Variants in TMEM161B observed in about 807,000 individuals in gnomAD.
TMEM161B encodes the protein transmembrane protein 161B.
Under a neutral mutation model 61.8 loss-of-function variants are expected in TMEM161B, and 34 were observed. The ratio of observed to expected loss-of-function variants is 0.55; its 90% CI spans 0.42 to 0.73. The LOEUF is 0.73. TMEM161B is among the 30% of genes least tolerant of loss of function. TMEM161B has a pLI of 0.00. For synonymous variants in TMEM161B, 167 were observed against 192.8 expected (o/e 0.87, Z 1.11); for missense variants, 456 against 558.5 (o/e 0.82, Z 1.85).
chr5:88,218,187 G>T (rs371708), intron 5 of TMEM161B, among the ~76,000 whole-genome samples: 116,171 of 152,024 alleles, frequency 0.76, 44,528 homozygotes, highest in South Asian at 0.85. Context: ...GAAACCAGTT[G>T]AGGAGATCGA....
At chr5:88,240,030 G>C (rs990815688) in intron 2 of TMEM161B, among the ~76,000 whole-genome samples, 2 of 151,804 alleles carry the variant, frequency 1.3e-5, no homozygotes, top group African/African-American at 4.8e-5. Flanking sequence ...TCTGTGTGCA[G>C]ACTTTCCTTG....
downstream of TMEM161B, among the ~76,000 whole-genome samples, chr5:88,192,714 C>T (rs1286827460): frequency 1.3e-5 from 2 of 152,176 alleles, no homozygotes; most frequent in Non-Finnish European, 2.9e-5. Context: ...ACAGGATGAT[C>T]TGCATTTAAA....
intron 5 of TMEM161B, among the ~76,000 whole-genome samples, chr5:88,214,816 A>C (rs1305304865): frequency 6.6e-6 from 1 of 152,202 alleles, no homozygotes; most frequent in Non-Finnish European, 1.5e-5. Flanking sequence ...GCTGAGAATT[A>C]GTTTGGGTTT....
At position 88,195,622 on chromosome 5, in the gene TMEM161B, T is replaced by G; in HGVS notation, c.*589A>C. 3.0e-6 allele frequency: 3 copies of G among 984,934 alleles called. No individual in the cohort carries two copies. The highest frequency in any genetic ancestry group is 3.6e-6 in the Non-Finnish European group (3 of 829,158). 61.0% of individuals were successfully genotyped at this position (984,934 alleles called of 1,614,324 possible). A position where few individuals can be genotyped will look rare whatever the true frequency, so the allele number is the denominator to read the frequency against. On this transcript the variant is annotated 3_prime_UTR_variant, in exon 12 of 12. Coordinates refer to ENST00000296595, the MANE Select transcript of TMEM161B (RefSeq NM_153354.5). ...TACTCTTGCTATTCTCAAGCAGCAG[T>G]AGTTATATATTTTAACCATATTCAT... is the stretch of plus-strand genomic sequence containing the variant.
intron 2 of TMEM161B, among the ~76,000 whole-genome samples, chr5:88,230,304 T>C (rs1399422269): frequency 6.6e-6 from 1 of 152,196 alleles, no homozygotes; most frequent in Non-Finnish European, 1.5e-5. Flanking sequence ...GAGATTGTGG[T>C]AATTTTTAAA....
chr5:88,240,741 A>T (rs1347193165), intron 2 of TMEM161B, 72 bp downstream of exon 2: 2 of 1,146,198 alleles, frequency 1.7e-6, no homozygotes, highest in East Asian at 2.4e-5. Context: ...AGAAACAGTA[A>T]CTAGGAATTT....
chr5:88,263,812 T>C (rs1313291151), intron 1 of TMEM161B, among the ~76,000 whole-genome samples: 1 of 152,154 alleles, frequency 6.6e-6, no homozygotes, highest in African/African-American at 2.4e-5. Flanking sequence ...AAAACCAACC[T>C]TGAACCAACC....
At position 88,205,798 on chromosome 5, in the gene TMEM161B, T is replaced by C. The variant is rs1745349733; in HGVS notation, c.800+16A>G. On this transcript the variant is annotated intron_variant, in intron 8 of 11. Coordinates refer to ENST00000296595, the MANE Select transcript of TMEM161B (RefSeq NM_153354.5). Reference sequence around the variant, plus strand: ...ATATATTTATCTGCATGTGCTTATGTACATTTTCCGCTTACTGTGTAATTT... The same window carrying C: ...ATATATTTATCTGCATGTGCTTATGCACATTTTCCGCTTACTGTGTAATTT... 3.1e-6 allele frequency: 5 copies of C among 1,611,378 alleles called. No homozygotes were observed. In the East Asian group the frequency reaches 6.7e-5, roughly 22 times the overall value.
At chr5:88,244,584 C>CTTTTT (rs369319062) in intron 1 of TMEM161B, among the ~76,000 whole-genome samples, 4 of 116,022 alleles carry the variant, frequency 3.4e-5, no homozygotes, top group African/African-American at 6.3e-5. Flanking sequence ...TCCAGCTTTG[C>CTTTTT]TTTTTTTTTT....
chr5:88,255,735 T>C (rs766047894), intron 1 of TMEM161B, among the ~76,000 whole-genome samples: 21 of 152,324 alleles, frequency 1.4e-4, no homozygotes, highest in Admixed American at 3.3e-4. Context: ...AGCATAATTT[T>C]TTTGCCATTT....
At chr5:88,263,158 G>A (rs1755902905) in intron 1 of TMEM161B, among the ~76,000 whole-genome samples, 1 of 151,940 alleles carries the variant, frequency 6.6e-6, no homozygotes. Context: ...CAGGCACGTG[G>A]GCTGAATATC....
intron 2 of TMEM161B, among the ~76,000 whole-genome samples, chr5:88,239,377 T>C (rs185868534): frequency 1.9e-4 from 29 of 152,148 alleles, no homozygotes; most frequent in African/African-American, 5.8e-4. Flanking sequence ...CCTTAATGTA[T>C]GTTACTTAGT....
intron 2 of TMEM161B, among the ~76,000 whole-genome samples, chr5:88,236,309 T>C (rs1751838322): frequency 6.6e-6 from 1 of 151,836 alleles, no homozygotes; most frequent in Non-Finnish European, 1.5e-5. Context: ...ACTGAGCAAT[T>C]AGAAAAAACA....
intron 9 of TMEM161B, chr5:88,200,128 AT>A (rs1744109170): frequency 1.3e-5 from 2 of 151,922 alleles, no homozygotes; most frequent in African/African-American, 4.8e-5. Context: ...AAACTACAAT[AT>A]AGGAAAATTT....
chr5:88,267,027 C>T (rs771006643), intron 1 of TMEM161B, among the ~76,000 whole-genome samples: 12 of 152,292 alleles, frequency 7.9e-5, no homozygotes, highest in East Asian at 1.9e-4. Context: ...AGTTCATGTT[C>T]AGCTTTTCTG....
At chr5:88,204,557 C>A (rs1354570521) in intron 8 of TMEM161B, among the ~76,000 whole-genome samples, 4 of 152,090 alleles carry the variant, frequency 2.6e-5, no homozygotes, top group African/African-American at 9.7e-5. Flanking sequence ...CAGCCCACAG[C>A]GGTTTCAGTA....
chr5:88,207,580 T>C (rs757046393), intron 5 of TMEM161B, among the ~76,000 whole-genome samples: 2 of 152,212 alleles, frequency 1.3e-5, no homozygotes, highest in African/African-American at 2.4e-5. Flanking sequence ...CTAGTAGCTA[T>C]TGTTGATCTG....
At chr5:88,185,972 T>A (rs1748339701), downstream of TMEM161B, among the ~76,000 whole-genome samples, 1 of 152,196 alleles carries the variant, frequency 6.6e-6, no homozygotes, top group Non-Finnish European at 1.5e-5. Flanking sequence ...AGGAAAATGC[T>A]CTTCCACTTA....
intron 5 of TMEM161B, among the ~76,000 whole-genome samples, chr5:88,210,625 C>T (rs961253410): frequency 2.0e-5 from 3 of 152,146 alleles, no homozygotes; most frequent in African/African-American, 7.2e-5. Flanking sequence ...TGAAAGTCTA[C>T]ACAGTCAAAG....
Sources: gnomAD v4.1 joint callset for allele counts (sites outside exome capture counted in the v4.1 genomes callset) on GRCh38, gnomAD v4.1.1 for gene constraint, MANE v1.5 for transcripts, NCBI Gene and HGNC (gene_info 2026-07-23, HGNC 2026-07-21) for gene names.